The following CILK1 variants were observed in gnomAD, a reference collection of about 807,000 sequenced individuals.
CILK1 encodes ciliogenesis associated kinase 1.
In CILK1, 47 loss-of-function variants were observed where a neutral mutation model predicts 79.2. The ratio of observed to expected loss-of-function variants is 0.59; its 90% confidence interval spans 0.47 to 0.76. CILK1 has a LOEUF of 0.76. Ranked by LOEUF, CILK1 falls within the 30% of genes least tolerant of loss-of-function variation. The probability of loss-of-function intolerance (pLI) is 0.00; values close to 1 mark genes in which losing one functional copy is unlikely to be tolerated. For missense variants in CILK1, 660 were observed against 769.5 expected (o/e 0.86, Z 1.68); for synonymous variants, 266 against 275.9 (o/e 0.96, Z 0.36).
intron 11 of CILK1, among the ~76,000 whole-genome samples, 166 bp from the exon 12 acceptor site, chr6:53,009,733 A>G (rs557910810): frequency 2.0e-5 from 3 of 152,368 alleles, no homozygotes; most frequent in Admixed American, 2.0e-4. Context: ...GTCCGAGGAA[A>G]GATATCTCAC....
At chr6:53,006,281 A>G (rs779402052) in intron 13 of CILK1, 34 bp downstream of exon 13, 5 of 1,603,926 alleles carry the variant, frequency 3.1e-6, no homozygotes, top group Non-Finnish European at 4.3e-6. Flanking sequence ...CCATTTGTTG[A>G]GTAAATTCAT....
chr6:53,049,901 C>T (rs538875408), intron 1 of CILK1, among the ~76,000 whole-genome samples: 3 of 152,002 alleles, frequency 2.0e-5, no homozygotes, highest in Non-Finnish European at 2.9e-5. Flanking sequence ...TTGTATTTTT[C>T]GTAGAGACGG....
At chr6:53,053,011 C>T (rs1272761618) in intron 1 of CILK1, among the ~76,000 whole-genome samples, 1 of 146,918 alleles carries the variant, frequency 6.8e-6, no homozygotes, top group Non-Finnish European at 1.5e-5. Flanking sequence ...AAATATTTCT[C>T]TGTTCCTATG....
intron 1 of CILK1, among the ~76,000 whole-genome samples, chr6:53,050,472 CAT>C (rs1271674255): frequency 6.6e-6 from 1 of 150,698 alleles, no homozygotes; most frequent in Admixed American, 6.6e-5. Flanking sequence ...ATATAATATT[CAT>C]ATATTATAAA....
At chr6:53,029,104 A>G (rs1353811158) in intron 5 of CILK1, among the ~76,000 whole-genome samples, 1 of 152,208 alleles carries the variant, frequency 6.6e-6, no homozygotes, top group Non-Finnish European at 1.5e-5. Context: ...GTTTAAGTCT[A>G]CCACTCAGTT....
intron 12 of CILK1, among the ~76,000 whole-genome samples, chr6:53,008,472 T>C (rs1366350376): frequency 4.0e-5 from 6 of 151,572 alleles, no homozygotes; most frequent in African/African-American, 1.5e-4. Context: ...ATCACCCAGG[T>C]TGGAGTGCAG....
intron 2 of CILK1, among the ~76,000 whole-genome samples, chr6:53,039,036 A>G (rs1050218008): frequency 3.3e-5 from 5 of 152,234 alleles, no homozygotes; most frequent in African/African-American, 9.6e-5. Context: ...CTGCTGGCCA[A>G]TAACAAACTT....
chr6:53,054,908 A>G (rs1451341232), intron 1 of CILK1, among the ~76,000 whole-genome samples: 1 of 152,244 alleles, frequency 6.6e-6, no homozygotes, highest in Admixed American at 6.5e-5. Context: ...TTGCTCATTC[A>G]CAGCCTAAAA....
intron 11 of CILK1, among the ~76,000 whole-genome samples, chr6:53,009,840 C>A (rs975101603): frequency 1.3e-5 from 2 of 152,182 alleles, no homozygotes; most frequent in African/African-American, 4.8e-5. Context: ...TTCACTGCTG[C>A]TGGACATGCT....
intron 11 of CILK1, among the ~76,000 whole-genome samples, chr6:53,009,839 G>A (rs2236422): frequency 0.18 from 28,112 of 152,092 alleles, 2,840 homozygotes; most frequent in African/African-American, 0.26. Flanking sequence ...CTTCACTGCT[G>A]CTGGACATGC....
At chr6:53,037,523 C>A (rs1766436547) in intron 3 of CILK1, among the ~76,000 whole-genome samples, 1 of 152,104 alleles carries the variant, frequency 6.6e-6, no homozygotes, top group Non-Finnish European at 1.5e-5. Flanking sequence ...TGAGGCTCAA[C>A]AAGCGCAAGG....
chr6:53,025,115 G>A (rs888157684), intron 5 of CILK1, among the ~76,000 whole-genome samples: 4 of 152,122 alleles, frequency 2.6e-5, no homozygotes, highest in African/African-American at 9.7e-5. Context: ...TTACAGGCGT[G>A]AGCCACTGTG....
At position 53,005,217 on chromosome 6, in the gene CILK1, G is replaced by A. The variant is rs746897007; in HGVS notation, c.1831C>T (p.Arg611Trp). ...QPRSTPGLIPRPPAAQPVHGR... is the reference protein window; with the variant it reads ...QPRSTPGLIPWPPAAQPVHGR... The stretch of plus-strand genomic sequence containing the variant: ...TGCACTGGCTGGGCGGCTGGAGGCC[G>A]TGGTATCAACCCAGGAGTGCTTCTA... Residue 611 changes from arginine (R) to tryptophan (W), a missense_variant, in exon 14 of 14, where the codon CGG (arginine) becomes TGG (tryptophan). Coordinates refer to ENST00000676107, the MANE Select transcript of CILK1 (RefSeq NM_014920.5). 8.1e-6 allele frequency: 13 copies of A among 1,614,210 alleles called. No homozygotes were observed. Among genetic ancestry groups the A allele is most frequent in the South Asian group, 4.4e-5 (4 of 91,082 alleles).
chr6:53,032,553 A>G lies in CILK1; in HGVS notation c.258T>C (p.Leu86=). ...TGTACCTCTCTTTAATGAGCTGGTA[A>G]AGATTTTCCTTCATGTACTCGAAGA... The part of the protein sequence containing the change: ...YFIFEYMKEN[L]YQLIKERNKL... Residue 86 remains leucine, a synonymous_variant, in exon 4 of 14, where the codon CTT becomes CTC. Transcript: ENST00000676107. The G allele has an allele frequency of 1.2e-6, 2 of 1,608,262 alleles. No individual in the cohort carries two copies. Among genetic ancestry groups the G allele is most frequent in the Non-Finnish European group, 1.7e-6 (2 of 1,175,930 alleles).
In CILK1 at chr6:53,035,575, C is replaced by T. The variant is rs891706623; in HGVS notation, c.156+2364G>A. On this transcript the variant is annotated intron_variant, in intron 3 of 13. Coordinates refer to ENST00000676107, the MANE Select transcript of CILK1 (RefSeq NM_014920.5). The stretch of plus-strand genomic sequence containing the variant: ...GCAGGGATTCCCCTCCCTGCCATGG[C>T]CGTGAGGTGCAGAATATCCCTGAAG... Among the ~76,000 whole-genome samples the T allele has an allele frequency of 2.0e-5, 3 of 152,090 alleles. No individual in the cohort carries two copies. In the East Asian group the frequency reaches 5.8e-4, roughly 29 times the overall value.
At chr6:53,039,163 G>C (rs1766546447) in intron 2 of CILK1, among the ~76,000 whole-genome samples, 1 of 152,046 alleles carries the variant, frequency 6.6e-6, no homozygotes, top group South Asian at 2.1e-4. Flanking sequence ...TAGGTGCCTT[G>C]TCAGGCACTG....
intron 1 of CILK1, among the ~76,000 whole-genome samples, chr6:53,043,715 C>A (rs1394033813): frequency 1.3e-5 from 2 of 151,932 alleles, no homozygotes; most frequent in Admixed American, 6.6e-5. Context: ...AATATGGTCC[C>A]TTCTTTTAAA....
intron 3 of CILK1, among the ~76,000 whole-genome samples, chr6:53,036,698 G>A (rs1766361839): frequency 6.6e-6 from 1 of 152,044 alleles, no homozygotes; most frequent in African/African-American, 2.4e-5. Context: ...TTACAGGTGT[G>A]AGCCACCACA....
intron 1 of CILK1, among the ~76,000 whole-genome samples, chr6:53,047,262 A>T (rs1209320993): frequency 6.6e-6 from 1 of 152,096 alleles, no homozygotes; most frequent in Non-Finnish European, 1.5e-5. Context: ...GGTGGGCCCA[A>T]TTATGAACGA....
Sources: allele counts gnomAD v4.1 joint callset (sites outside exome capture counted in the v4.1 genomes callset), GRCh38; gene constraint gnomAD v4.1.1; transcripts MANE v1.5; gene names NCBI Gene and HGNC (gene_info 2026-07-23, HGNC 2026-07-21).